Variants in YWHAE observed in about 807,000 individuals in gnomAD.
YWHAE encodes tyrosine 3-monooxygenase/tryptophan 5-monooxygenase activation protein epsilon.
Under a neutral mutation model 30.1 loss-of-function variants are expected in YWHAE, and 4 were observed. That is an observed-to-expected ratio of 0.13 (90% CI 0.07 to 0.30). The LOEUF (loss-of-function observed/expected upper bound fraction) is 0.30. Among genes scored for constraint, YWHAE ranks in the 10% least tolerant of loss-of-function variants. The probability of loss-of-function intolerance (pLI) is 1.00; values close to 1 mark genes in which losing one functional copy is unlikely to be tolerated. For synonymous variants in YWHAE, 118 were observed against 111.8 expected, an observed-to-expected ratio of 1.06 and a Z score of -0.35; for missense variants, 121 against 315.9, an observed-to-expected ratio of 0.38 and a Z score of 4.68.
chr17:1,393,197 A>C (rs1420166320), intron 1 of YWHAE, among the ~76,000 whole-genome samples: 1 of 150,734 alleles, frequency 6.6e-6, no homozygotes, highest in Non-Finnish European at 1.5e-5. Flanking sequence ...ACAAACAAAC[A>C]AAAAAAACAG....
At position 1,364,936 on chromosome 17, in the gene YWHAE, T is replaced by C. The variant is rs763153350; in HGVS notation, c.187A>G (p.Ile63Val). 1.2e-6 allele frequency: 2 copies of C among 1,614,154 alleles called. No homozygotes were observed. Among genetic ancestry groups the C allele is most frequent in the South Asian group, 2.2e-5 (2 of 91,084 alleles). ...IGARRASWRIISSIEQKEENK... is the reference protein window; with the variant it reads ...IGARRASWRIVSSIEQKEENK... ...TCTTCTTTCTGTTCAATGCTGCTGA[T>C]TATTCTCCAGGAGGCTCTTCTAGCT... Residue 63 changes from isoleucine (I) to valine (V), a missense_variant, in exon 2 of 6, where the codon ATC becomes GTC. Coordinates refer to ENST00000264335, the MANE Select transcript of YWHAE (RefSeq NM_006761.5).
chr17:1,369,492 T>G (rs1404167582), intron 1 of YWHAE, among the ~76,000 whole-genome samples: 1 of 152,160 alleles, frequency 6.6e-6, no homozygotes, highest in Non-Finnish European at 1.5e-5. Flanking sequence ...AGACTCCGTC[T>G]CCAAAAAATA....
chr17:1,360,974 A>G (rs2072854940), intron 4 of YWHAE, 118 bp downstream of exon 4: 7 of 931,544 alleles, frequency 7.5e-6, no homozygotes, highest in African/African-American at 1.7e-5. Flanking sequence ...AGTAAGAGCC[A>G]AAAGAATTAC....
intron 4 of YWHAE, among the ~76,000 whole-genome samples, chr17:1,359,427 A>T (rs2072816830): frequency 6.6e-6 from 1 of 152,218 alleles, no homozygotes; most frequent in South Asian, 2.1e-4. Context: ...TACTCACCAT[A>T]GGGAAAAGGT....
At position 1,395,397 on chromosome 17, in the gene YWHAE, C is replaced by T. The variant is rs530780879; in HGVS notation, c.64+4650G>A. ...ACAAAAAATTAGCCGAGTGTGGTGG[C>T]ACGCGCCTGTAGTCCCAGCTACTTG... On this transcript the variant is annotated intron_variant, in intron 1 of 5. Transcript: ENST00000264335. Among the ~76,000 whole-genome samples the T allele has an allele frequency of 2.0e-5, 3 of 152,204 alleles. No homozygotes were observed. The South Asian group carries it at 6.2e-4, about 32-fold the overall frequency.
intron 1 of YWHAE, among the ~76,000 whole-genome samples, chr17:1,398,030 G>C (rs1362329291): frequency 2.0e-5 from 3 of 152,042 alleles, no homozygotes; most frequent in Non-Finnish European, 4.4e-5. Flanking sequence ...TACTTTATTT[G>C]GAAACTACAA....
intron 4 of YWHAE, among the ~76,000 whole-genome samples, chr17:1,357,494 C>A (rs1454427993): frequency 6.6e-6 from 1 of 150,972 alleles, no homozygotes; most frequent in African/African-American, 2.4e-5. Flanking sequence ...GCGAGAGAAT[C>A]GCCTGAACCC....
rs141380605 is a variant in YWHAE, at chr17:1,377,291, C to G, written c.65-12233G>C. Among the ~76,000 whole-genome samples, 189 of 152,264 alleles carry G rather than the reference C, an allele frequency of 1.2e-3. 1 individual carries two copies. The highest frequency in any genetic ancestry group is 3.7e-3 in the African/African-American group (152 of 41,550). ...GTCACACAATGGTAAAACCCAAACT[C>G]AAACCCAGACAATCTAACTTAAGAG... On this transcript the variant is annotated intron_variant, in intron 1 of 5. Coordinates refer to ENST00000264335, the MANE Select transcript of YWHAE (RefSeq NM_006761.5).
At chr17:1,366,941 C>CAAA (rs1047736343) in intron 1 of YWHAE, among the ~76,000 whole-genome samples, 1 of 147,936 alleles carries the variant, frequency 6.8e-6, no homozygotes, top group East Asian at 2.0e-4. Context: ...GACTCCGTTT[C>CAAA]AAAAAAAAAC....
chr17:1,364,280 G>T (rs1254048533), intron 2 of YWHAE, among the ~76,000 whole-genome samples: 1 of 151,348 alleles, frequency 6.6e-6, no homozygotes, highest in Non-Finnish European at 1.5e-5. Flanking sequence ...AGGCTGGAGT[G>T]CAGCAGTGCG....
At chr17:1,359,709 T>C (rs1292290415) in intron 4 of YWHAE, among the ~76,000 whole-genome samples, 1 of 151,374 alleles carries the variant, frequency 6.6e-6, no homozygotes, top group Non-Finnish European at 1.5e-5. Context: ...ATGAAGTTAT[T>C]GATTGTTTAA....
rs1025686754 is a variant in YWHAE, at chr17:1,352,814, C to T, written c.715+1397G>A. 2.6e-5 allele frequency among the ~76,000 whole-genome samples: 4 copies of T among 152,276 alleles called. No homozygotes were observed. The East Asian group carries it at 7.7e-4, about 29-fold the overall frequency. Reference sequence around the variant, plus strand: ...TGCTGGGATTATAGGCATGAGCCACCGCGCCCGGCACAGCCTTAGAAACAT... The same window carrying T: ...TGCTGGGATTATAGGCATGAGCCACTGCGCCCGGCACAGCCTTAGAAACAT... On this transcript the variant is annotated intron_variant, in intron 5 of 5. Transcript: ENST00000264335.
chr17:1,384,289 T>C (rs970703378), intron 1 of YWHAE, among the ~76,000 whole-genome samples: 114 of 150,490 alleles, frequency 7.6e-4, no homozygotes, highest in African/African-American at 2.6e-3. Context: ...GGTGGGAGGA[T>C]TGCTTGAGCC....
chr17:1,396,148 G>A (rs1288508152), intron 1 of YWHAE, among the ~76,000 whole-genome samples: 7 of 150,766 alleles, frequency 4.6e-5, no homozygotes, highest in South Asian at 4.2e-4. Flanking sequence ...GACCAGGCGC[G>A]GTGGCTCAGG....
At chr17:1,369,118 CTGTG>C (rs1312251562) in intron 1 of YWHAE, among the ~76,000 whole-genome samples, 1 of 152,188 alleles carries the variant, frequency 6.6e-6, no homozygotes, top group Non-Finnish European at 1.5e-5. Context: ...AATGCACAGA[CTGTG>C]TGGTAAAATT....
intron 1 of YWHAE, among the ~76,000 whole-genome samples, chr17:1,388,625 T>C (rs1237596986): frequency 6.7e-6 from 1 of 150,372 alleles, no homozygotes; most frequent in African/African-American, 2.4e-5. Flanking sequence ...TTGCCCAGGC[T>C]GGTCTCAAAC....
At chr17:1,371,148 T>A (rs966732858) in intron 1 of YWHAE, among the ~76,000 whole-genome samples, 1 of 152,034 alleles carries the variant, frequency 6.6e-6, no homozygotes, top group Non-Finnish European at 1.5e-5. Flanking sequence ...AGTGGCACCA[T>A]CTCAGTTCAC....
intron 1 of YWHAE, among the ~76,000 whole-genome samples, chr17:1,387,924 CTTTTTT>C (rs35930155): frequency 2.6e-5 from 2 of 75,718 alleles, no homozygotes; most frequent in African/African-American, 6.2e-5. Context: ...CTGCACCTGG[CTTTTTT>C]TTTTTTTTTT....
At chr17:1,384,497 C>T (rs966217861) in intron 1 of YWHAE, among the ~76,000 whole-genome samples, 3 of 150,232 alleles carry the variant, frequency 2.0e-5, no homozygotes, top group African/African-American at 4.9e-5. Context: ...CAAGACCATC[C>T]TGGCTAACAC....
Sources: allele counts gnomAD v4.1 joint callset (sites outside exome capture counted in the v4.1 genomes callset), GRCh38; gene constraint gnomAD v4.1.1; transcripts MANE v1.5; gene names NCBI Gene and HGNC (gene_info 2026-07-23, HGNC 2026-07-21).